The following SV2C variants were observed in gnomAD, a reference collection of about 807,000 sequenced individuals.
SV2C encodes solute carrier family 22 member B3.
In SV2C, 49 loss-of-function variants were observed where a neutral mutation model predicts 79.7. That is an observed-to-expected ratio of 0.61 (90% CI 0.49 to 0.78). SV2C has a LOEUF of 0.78. Among genes scored for constraint, SV2C ranks in the 30% least tolerant of loss-of-function variants. SV2C has a pLI of 0.00. For missense variants in SV2C, 833 were observed against 912.9 expected, an observed-to-expected ratio of 0.91 and a Z score of 1.13; for synonymous variants, 334 against 333.2, an observed-to-expected ratio of 1.00 and a Z score of -0.03.
the SV2C span, among the ~76,000 whole-genome samples, chr5:75,963,776 T>C: frequency 1.3e-5 from 2 of 152,130 alleles, no homozygotes; most frequent in Non-Finnish European, 2.9e-5. Flanking sequence ...TGTTCTCTCT[T>C]CCTGGAATGC....
At chr5:76,274,684 C>T (rs200964195) in intron 4 of SV2C, among the ~76,000 whole-genome samples, 16 of 139,612 alleles carry the variant, frequency 1.1e-4, no homozygotes, top group African/African-American at 4.1e-4. Context: ...TTTTCTCCTT[C>T]TTTTTTTTTT....
At chr5:76,142,560 G>C (rs1749289461) in intron 2 of SV2C, among the ~76,000 whole-genome samples, 1 of 152,142 alleles carries the variant, frequency 6.6e-6, no homozygotes, top group Admixed American at 6.5e-5. Context: ...CCAGTCCCTT[G>C]CTTAGCCATC....
At chr5:76,053,066 C>T in the SV2C span, among the ~76,000 whole-genome samples, 1 of 149,740 alleles carries the variant, frequency 6.7e-6, no homozygotes, top group Non-Finnish European at 1.5e-5. Flanking sequence ...TGGCTTAGCC[C>T]AGAGGTTGTA....
In SV2C at chr5:76,291,810, G is replaced by A. The variant is rs1747574898; in HGVS notation, c.1291G>A (p.Asp431Asn). 1 of 1,610,866 alleles carries A rather than the reference G, an allele frequency of 6.2e-7. No homozygotes were observed. The highest frequency in any genetic ancestry group is 1.7e-5 in the Admixed American group (1 of 59,770). Residue 431 changes from aspartate (D) to asparagine (N), a missense_variant, in exon 8 of 13, where the codon GAT (aspartate) becomes AAT (asparagine). Transcript: ENST00000502798. The stretch of plus-strand genomic sequence containing the variant: ...GAGATGTTTCAACTACCCAGTCAGG[G>A]ATAATACAATAAAGCTTACAATTGT... ...FMRCFNYPVR[D>N]NTIKLTIVWF... is the part of the protein sequence containing the mutation.
chr5:75,912,724 C>T, the SV2C span, among the ~76,000 whole-genome samples: 33 of 152,218 alleles, frequency 2.2e-4, no homozygotes, highest in East Asian at 3.1e-3. Flanking sequence ...TATGTTTCTT[C>T]TTATTCTTAG....
chr5:75,992,780 A>T, the SV2C span, among the ~76,000 whole-genome samples: 1 of 152,080 alleles, frequency 6.6e-6, no homozygotes. Flanking sequence ...CTGAAAGTGA[A>T]ATTTGTATTG....
chr5:75,980,845 A>C, the SV2C span, among the ~76,000 whole-genome samples: 1 of 152,278 alleles, frequency 6.6e-6, no homozygotes, highest in South Asian at 2.1e-4. Flanking sequence ...TCAACACAGT[A>C]CTGGAGGTCC....
At chr5:75,879,015 G>T in the SV2C span, among the ~76,000 whole-genome samples, 1 of 152,132 alleles carries the variant, frequency 6.6e-6, no homozygotes, top group Non-Finnish European at 1.5e-5. Flanking sequence ...AAGAGTGATG[G>T]TGGATGTGTC....
intron 2 of SV2C, among the ~76,000 whole-genome samples, chr5:76,146,570 A>C (rs1320367834): frequency 5.3e-5 from 8 of 152,042 alleles, no homozygotes; most frequent in Non-Finnish European, 1.2e-4. Context: ...CTTTACTGCA[A>C]CCTGTTTTAT....
At chr5:76,177,898 CT>C (rs1225332462) in intron 2 of SV2C, among the ~76,000 whole-genome samples, 1 of 152,086 alleles carries the variant, frequency 6.6e-6, no homozygotes, top group Non-Finnish European at 1.5e-5. Context: ...ACCAGTTCCT[CT>C]TAGATATTTA....
chr5:76,169,583 G>A (rs1251361807), intron 2 of SV2C, among the ~76,000 whole-genome samples: 1 of 152,194 alleles, frequency 6.6e-6, no homozygotes, highest in East Asian at 1.9e-4. Context: ...TCCATCAACT[G>A]CATCAAACCT....
chr5:75,862,844 G>A, the SV2C span, among the ~76,000 whole-genome samples: 1,603 of 152,256 alleles, frequency 0.011, 23 homozygotes, highest in African/African-American at 0.035. Context: ...CGTGATAATC[G>A]GAGTAGGGTG....
the SV2C span, among the ~76,000 whole-genome samples, chr5:76,034,556 G>T: frequency 6.6e-6 from 1 of 152,138 alleles, no homozygotes; most frequent in Non-Finnish European, 1.5e-5. Flanking sequence ...TACATTTATT[G>T]ATTTGCGTAT....
intron 2 of SV2C, among the ~76,000 whole-genome samples, chr5:76,186,081 C>T (rs2112310388): frequency 6.6e-6 from 1 of 152,268 alleles, no homozygotes; most frequent in Middle Eastern, 3.4e-3. Context: ...GCAAGAGTGA[C>T]CTTTACCCTA....
chr5:76,171,778 C>T (rs1743278015), intron 2 of SV2C, among the ~76,000 whole-genome samples: 1 of 133,744 alleles, frequency 7.5e-6, no homozygotes, highest in African/African-American at 2.7e-5. Context: ...AGCCCCCCGC[C>T]CGGCCAGCCG....
chr5:76,071,496 T>G, the SV2C span, among the ~76,000 whole-genome samples: 2 of 152,136 alleles, frequency 1.3e-5, no homozygotes, highest in Admixed American at 1.3e-4. Context: ...AAAAATATCT[T>G]TATTATCAGG....
At chr5:76,048,927 A>G in the SV2C span, among the ~76,000 whole-genome samples, 1 of 145,036 alleles carries the variant, frequency 6.9e-6, no homozygotes, top group Non-Finnish European at 1.5e-5. Flanking sequence ...GAAAGAAAAA[A>G]AGAGAAAAGG....
chr5:76,214,672 C>T (rs1235930428), intron 4 of SV2C, among the ~76,000 whole-genome samples: 3 of 152,142 alleles, frequency 2.0e-5, no homozygotes, highest in African/African-American at 7.2e-5. Flanking sequence ...ATATATCTTG[C>T]CATTTATTTG....
At chr5:76,256,139 G>C (rs1579993003) in intron 4 of SV2C, among the ~76,000 whole-genome samples, 1 of 152,200 alleles carries the variant, frequency 6.6e-6, no homozygotes, top group South Asian at 2.1e-4. Flanking sequence ...TGCTTTGCCT[G>C]CTCTGCCTGA....
Sources: allele counts gnomAD v4.1 joint callset (sites outside exome capture counted in the v4.1 genomes callset), GRCh38; gene constraint gnomAD v4.1.1; transcripts MANE v1.5; gene names NCBI Gene and HGNC (gene_info 2026-07-23, HGNC 2026-07-21).